Variants in PAPPA2 observed in about 807,000 individuals in gnomAD.
PAPPA2 encodes the protein pappalysin 2.
Under a neutral mutation model 176.4 loss-of-function variants are expected in PAPPA2, and 86 were observed. That is an observed-to-expected ratio of 0.49 (90% CI 0.41 to 0.58). The LOEUF (loss-of-function observed/expected upper bound fraction) is 0.58, where lower values mean the gene tolerates loss of function less well. Ranked by LOEUF, PAPPA2 falls within the 20% of genes least tolerant of loss-of-function variation. PAPPA2 has a pLI of 0.00. For synonymous variants in PAPPA2, 809 were observed against 852.2 expected (o/e 0.95, Z 0.88); for missense variants, 2,073 against 2,256.9 (o/e 0.92, Z 1.65).
At chr1:176,687,895 T>C (rs1659922399) in intron 4 of PAPPA2, among the ~76,000 whole-genome samples, 1 of 152,176 alleles carries the variant, frequency 6.6e-6, no homozygotes, top group Admixed American at 6.5e-5. Context: ...TGAAGGACTT[T>C]TCGGGGCCTT....
chr1:176,684,621 G>T (rs570812710), intron 4 of PAPPA2, among the ~76,000 whole-genome samples: 1 of 152,176 alleles, frequency 6.6e-6, no homozygotes, highest in Admixed American at 6.5e-5. Context: ...TATAAGGAAT[G>T]ATAAAAATTA....
Position 176,556,838 on chromosome 1 carries a change from T to C in PAPPA2, c.516T>C (p.Thr172=), listed in dbSNP as rs1651332811. The change falls in exon 2 of 23, where the codon ACT becomes ACC. Residue 172 remains threonine, a synonymous_variant. Transcript: ENST00000367662. The part of the protein sequence containing the change: ...IQKGSAMAAT[T]TTAIFTTLNE... The stretch of plus-strand genomic sequence containing the variant: ...AAGGCTCAGCCATGGCTGCCACTAC[T>C]ACCACCGCCATTTTCACAACCCTGA... 6.2e-7 allele frequency: 1 copy of C among 1,613,962 alleles called. No homozygotes were observed. The highest frequency in any genetic ancestry group is 2.2e-5 in the East Asian group (1 of 44,850).
intron 1 of PAPPA2, among the ~76,000 whole-genome samples, chr1:176,519,227 A>G (rs1320412216): frequency 6.6e-6 from 1 of 152,188 alleles, no homozygotes; most frequent in African/African-American, 2.4e-5. Flanking sequence ...CTCACAAGTC[A>G]CATGAACAGG....
intron 14 of PAPPA2, among the ~76,000 whole-genome samples, chr1:176,763,583 C>A (rs369875421): frequency 6.6e-6 from 1 of 152,130 alleles, no homozygotes; most frequent in Non-Finnish European, 1.5e-5. Flanking sequence ...GCAAGTCATG[C>A]GTTGAATATA....
intron 2 of PAPPA2, among the ~76,000 whole-genome samples, chr1:176,580,139 G>C (rs1398393231): frequency 2.0e-5 from 3 of 151,986 alleles, no homozygotes; most frequent in African/African-American, 7.3e-5. Flanking sequence ...GTATCCTTTA[G>C]CAAATTTATC....
At chr1:176,790,434 T>A (rs1665123935) in intron 18 of PAPPA2, among the ~76,000 whole-genome samples, 1 of 152,210 alleles carries the variant, frequency 6.6e-6, no homozygotes, top group African/African-American at 2.4e-5. Flanking sequence ...AAACACAGTC[T>A]TATCTTTGTT....
Position 176,843,897 on chromosome 1 carries a change from A to G in PAPPA2, c.*1443A>G, listed in dbSNP as rs1463527095. ...TGACTTGAGCAAGCCATGGAAATGC[A>G]TGGAGCAAGGGTGACACTCTGTGGG... On this transcript the variant is annotated 3_prime_UTR_variant, in exon 23 of 23. Transcript: ENST00000367662. 6.6e-6 allele frequency: 1 copy of G among 152,172 alleles called. No individual in the cohort carries two copies. The highest frequency in any genetic ancestry group is 2.4e-5 in the African/African-American group (1 of 41,460). 9.4% of individuals were successfully genotyped at this position (152,172 alleles called of 1,614,324 possible).
chr1:176,655,604 T>A (rs1339724797), intron 3 of PAPPA2, among the ~76,000 whole-genome samples: 1 of 151,786 alleles, frequency 6.6e-6, no homozygotes, highest in African/African-American at 2.4e-5. Context: ...AATGGCATCT[T>A]CTCACTTATA....
chr1:176,653,256 CTCTT>C (rs1458262890), intron 3 of PAPPA2, among the ~76,000 whole-genome samples: 4 of 151,678 alleles, frequency 2.6e-5, no homozygotes, highest in African/African-American at 2.4e-5. Context: ...TCATTCAGCA[CTCTT>C]AGAGGATCAT....
At chr1:176,472,281 T>C (rs2102466550) in intron 1 of PAPPA2, among the ~76,000 whole-genome samples, 1 of 152,344 alleles carries the variant, frequency 6.6e-6, no homozygotes, top group Middle Eastern at 3.4e-3. Flanking sequence ...TATTATGAAC[T>C]CGTGTATCCA....
intron 7 of PAPPA2, among the ~76,000 whole-genome samples, 167 bp from the exon 8 acceptor site, chr1:176,698,933 C>T (rs982929173): frequency 6.6e-6 from 1 of 152,158 alleles, no homozygotes; most frequent in African/African-American, 2.4e-5. Context: ...TTTACTTTTA[C>T]ACCTTTGTTC....
At chr1:176,618,095 G>C (rs1655372698) in intron 3 of PAPPA2, among the ~76,000 whole-genome samples, 2 of 152,182 alleles carry the variant, frequency 1.3e-5, no homozygotes, top group African/African-American at 4.8e-5. Context: ...ATGTAGTTAA[G>C]TTGCATCATG....
At chr1:176,561,946 C>T (rs1461630670) in intron 2 of PAPPA2, among the ~76,000 whole-genome samples, 1 of 152,120 alleles carries the variant, frequency 6.6e-6, no homozygotes, top group Admixed American at 6.5e-5. Flanking sequence ...GCGTGCGCAG[C>T]GGAACTCCCA....
At chr1:176,743,484 C>T (rs1225777330) in intron 14 of PAPPA2, among the ~76,000 whole-genome samples, 4 of 152,106 alleles carry the variant, frequency 2.6e-5, no homozygotes, top group Non-Finnish European at 5.9e-5. Context: ...TCATTCTTAC[C>T]CTCCAGTTGT....
At position 176,709,966 on chromosome 1, in the gene PAPPA2, A is replaced by G. The variant is rs949456881; in HGVS notation, c.3458-17A>G. ...TATGAAAACACTTTTTCTGTGTCAC[A>G]CAATATTTCTTGGCAGGAGAGCCAA... On this transcript the variant is annotated splice_polypyrimidine_tract_variant and intron_variant, in intron 10 of 22. Transcript: ENST00000367662. The G allele has an allele frequency of 2.1e-5, 33 of 1,584,362 alleles. No individual in the cohort carries two copies. Among genetic ancestry groups the G allele is most frequent in the Non-Finnish European group, 2.5e-5 (29 of 1,165,158 alleles).
At chr1:176,812,901 A>G (rs1237237621) in intron 21 of PAPPA2, among the ~76,000 whole-genome samples, 10 of 152,132 alleles carry the variant, frequency 6.6e-5, no homozygotes, top group Admixed American at 6.6e-4. Context: ...TATTAAGCAC[A>G]GTATCCATAA....
At chr1:176,759,845 A>C (rs541711054) in intron 14 of PAPPA2, among the ~76,000 whole-genome samples, 20 of 152,268 alleles carry the variant, frequency 1.3e-4, no homozygotes, top group Non-Finnish European at 2.4e-4. Context: ...CCTGTTCCTC[A>C]CTAACCATTG....
Position 176,791,173 on chromosome 1 carries a change from ATTTTTTTTTTTTTTTT to A in PAPPA2, c.4885-161_4885-146del, listed in dbSNP as rs57185368. Among the ~76,000 whole-genome samples the A allele has an allele frequency of 3.7e-5, 3 of 80,880 alleles. No individual in the cohort carries two copies. The Admixed American group carries it at 4.0e-4, about 11-fold the overall frequency. The allele number at this position is 80,880 out of a possible 152,430, so 53.1% of individuals were successfully genotyped here. A position where few individuals can be genotyped will look rare whatever the true frequency, so the allele number is the denominator to read the frequency against. ...TTCCTCTGCTTGGAAAAAGCAAAGAATTTTTTTTTTTTTTTTTTTTTTTTTTTTGGCCAGTAACAAT... is the reference window on the plus strand; with the variant it reads ...TTCCTCTGCTTGGAAAAAGCAAAGAATTTTTTTTTTTTGGCCAGTAACAAT... On this transcript the variant is annotated intron_variant, in intron 18 of 22. Transcript: ENST00000367662.
chr1:176,762,090 A>G (rs1663724182), intron 14 of PAPPA2, among the ~76,000 whole-genome samples: 1 of 152,168 alleles, frequency 6.6e-6, no homozygotes, highest in South Asian at 2.1e-4. Context: ...GAAGTCTACA[A>G]TTGGTACCAG....
Sources: allele counts gnomAD v4.1 joint callset (sites outside exome capture counted in the v4.1 genomes callset), GRCh38; gene constraint gnomAD v4.1.1; transcripts MANE v1.5; gene names NCBI Gene and HGNC (gene_info 2026-07-23, HGNC 2026-07-21).